The following AKAP11 variants were observed in gnomAD, a reference collection of about 807,000 sequenced individuals.
AKAP11 encodes A-kinase anchoring protein 11, also known as A-kinase anchor protein 11.
Under a neutral mutation model 146.1 loss-of-function variants are expected in AKAP11, and 36 were observed. That is an observed-to-expected ratio of 0.25 (90% CI 0.19 to 0.33). The LOEUF (loss-of-function observed/expected upper bound fraction) is 0.33, where lower values mean the gene tolerates loss of function less well. Among genes scored for constraint, AKAP11 ranks in the 10% least tolerant of loss-of-function variants. The probability of loss-of-function intolerance (pLI) is 1.00; values close to 1 mark genes in which losing one functional copy is unlikely to be tolerated. For missense variants in AKAP11, 2,201 were observed against 2,197.0 expected, an observed-to-expected ratio of 1.00 and a Z score of -0.04; for synonymous variants, 780 against 786.5, an observed-to-expected ratio of 0.99 and a Z score of 0.14.
At chr13:42,312,703 A>G (rs964294558) in intron 9 of AKAP11, among the ~76,000 whole-genome samples, 4 of 152,176 alleles carry the variant, frequency 2.6e-5, no homozygotes, top group African/African-American at 9.7e-5. Flanking sequence ...GGCATTTCAC[A>G]AATTATAGTT....
Position 42,301,424 on chromosome 13 carries a change from C to CT in AKAP11, c.2678_2679insT (p.Leu894IlefsTer8). 1 of 1,613,204 alleles carries CT rather than the reference C, an allele frequency of 6.2e-7. No individual in the cohort carries two copies. Among genetic ancestry groups the CT allele is most frequent in the African/African-American group, 1.3e-5 (1 of 74,940 alleles). On this transcript the variant is annotated frameshift_variant, in exon 8 of 13. Transcript: ENST00000025301. LOFTEE classifies it high-confidence loss of function. ...AATGAAACTTTAGAGTCAATGACATCATTGGAAGTTACAAAAATGGTTGAT... is the reference window on the plus strand; with the variant it reads ...AATGAAACTTTAGAGTCAATGACATCTATTGGAAGTTACAAAAATGGTTGAT...
Position 42,303,690 on chromosome 13 carries a change from A to G in AKAP11, c.4944A>G (p.Ala1648=), listed in dbSNP as rs408007. The change falls in exon 8 of 13, where the codon GCA becomes GCG. Residue 1648 remains alanine (A), a synonymous_variant. Coordinates refer to ENST00000025301, the MANE Select transcript of AKAP11 (RefSeq NM_016248.4). ...TTCATGTTAATCTTGATAAGAAGGC[A>G]GTGCTTGCTGAGAAGATAGTTGCTG... is the stretch of plus-strand genomic sequence containing the variant. The part of the protein sequence containing the change: ...PQIHVNLDKK[A]VLAEKIVAEA... 1.3e-3 allele frequency: 2,082 copies of G among 1,614,176 alleles called. 25 individuals are homozygous for G. In the African/African-American group the frequency reaches 0.024, roughly 19 times the overall value.
Position 42,298,729 on chromosome 13 carries a change from T to G in AKAP11, c.548T>G (p.Ile183Arg). 1 of 1,604,422 alleles carries G rather than the reference T, an allele frequency of 6.2e-7. No homozygotes were observed. Among genetic ancestry groups the G allele is most frequent in the African/African-American group, 1.3e-5 (1 of 74,442 alleles). ...DDDTNQSVSS[I>R]EDDFVTAFEH... ...GATACTAACCAGTCTGTGTCATCCA[T>G]AGAGGATGACTTTGTCACTGCTTTT... Residue 183 changes from isoleucine (I) to arginine (R), a missense_variant, in exon 7 of 13, where the codon ATA becomes AGA. Physicochemically the swap from Ile to Arg is moderately conservative, Grantham distance 97 (BLOSUM62 -3). Coordinates refer to ENST00000025301, the MANE Select transcript of AKAP11 (RefSeq NM_016248.4).
chr13:42,322,907 C>A lies in AKAP11; in HGVS notation c.*3679C>A, dbSNP rs1361508692. ...GGTTTTAATATTGCTGGATTTGCTA[C>A]CTTTGGTTACTTGTGCAGTGTTAAA... On this transcript the variant is annotated 3_prime_UTR_variant, in exon 13 of 13. Coordinates refer to ENST00000025301, the MANE Select transcript of AKAP11 (RefSeq NM_016248.4). 1 of 152,516 alleles carries A rather than the reference C, an allele frequency of 6.6e-6. No homozygotes were observed. Among genetic ancestry groups the A allele is most frequent in the African/African-American group, 2.4e-5 (1 of 41,380 alleles). 9.4% of individuals were successfully genotyped at this position (152,516 alleles called of 1,614,324 possible).
At chr13:42,286,279 G>C (rs1959165505) in intron 2 of AKAP11, 21 bp from the exon 3 acceptor site, 1 of 1,009,856 alleles carries the variant, frequency 9.9e-7, no homozygotes, top group South Asian at 1.7e-5. Context: ...TAAATAAGTT[G>C]TTTTAATATG....
At chr13:42,316,248 A>G (rs1406988930) in intron 11 of AKAP11, among the ~76,000 whole-genome samples, 1 of 152,230 alleles carries the variant, frequency 6.6e-6, no homozygotes, top group African/African-American at 2.4e-5. Context: ...ATGGCCTGCA[A>G]GCTGTAGCAG....
chr13:42,304,755 CTTTT>C (rs200885238), intron 8 of AKAP11, among the ~76,000 whole-genome samples: 1 of 144,722 alleles, frequency 6.9e-6, no homozygotes, highest in Non-Finnish European at 1.5e-5. Context: ...CTCAGTGATT[CTTTT>C]TTTTTTTTTG....
At chr13:42,295,782 A>C (rs755949771) in intron 5 of AKAP11, 40 bp downstream of exon 5, 1 of 1,585,138 alleles carries the variant, frequency 6.3e-7, no homozygotes, top group South Asian at 1.1e-5. Context: ...TATTCTTGTC[A>C]TGGAAATCAG....
rs201525107 is a variant in AKAP11, at chr13:42,303,765, C to A, written c.5019C>A (p.Ala1673=). 3.1e-6 allele frequency: 5 copies of A among 1,614,052 alleles called. No homozygotes were observed. Among genetic ancestry groups the A allele is most frequent in the Middle Eastern group, 1.6e-4 (1 of 6,062 alleles). ...AGCTGAGCAGTACCAGCCTGGCAGCCGACAGTGGGATCGGACAGGAGGGTG... is the reference window on the plus strand; with the variant it reads ...AGCTGAGCAGTACCAGCCTGGCAGCAGACAGTGGGATCGGACAGGAGGGTG... The part of the protein sequence containing the change: ...ERELSSTSLA[A]DSGIGQEGAS... The change falls in exon 8 of 13, where the codon GCC becomes GCA. Residue 1673 remains alanine, a synonymous_variant. Coordinates refer to ENST00000025301, the MANE Select transcript of AKAP11 (RefSeq NM_016248.4).
In AKAP11 at chr13:42,300,382, A is replaced by T. The variant is rs567716472; in HGVS notation, c.1636A>T (p.Ile546Phe). 1 of 1,609,978 alleles carries T rather than the reference A, an allele frequency of 6.2e-7. No homozygotes were observed. The highest frequency in any genetic ancestry group is 8.5e-7 in the Non-Finnish European group (1 of 1,178,864). ...TAAATCTAAAAATAAATCCTTAATG[A>T]TTAAAGATAGCATTCAAAAATTTGC... ...KNKSKNKSLMIKDSIQKFAAD... is the reference protein window; with the variant it reads ...KNKSKNKSLMFKDSIQKFAAD... Residue 546 changes from isoleucine to phenylalanine, a missense_variant, in exon 8 of 13, where the codon ATT (isoleucine) becomes TTT (phenylalanine). Around this residue, in one of 3 missense-constraint regions of AKAP11, gnomAD observed 1,867 missense variants for 1,833.5 expected, o/e 1.02. Coordinates refer to ENST00000025301, the MANE Select transcript of AKAP11 (RefSeq NM_016248.4).
At chr13:42,284,840 G>A (rs1959134865) in intron 1 of AKAP11, among the ~76,000 whole-genome samples, 1 of 152,196 alleles carries the variant, frequency 6.6e-6, no homozygotes, top group Non-Finnish European at 1.5e-5. Context: ...ACCTTGTGCT[G>A]TTGGGAACTC....
intron 9 of AKAP11, among the ~76,000 whole-genome samples, chr13:42,311,031 G>A (rs1960536603): frequency 6.6e-6 from 1 of 152,028 alleles, no homozygotes; most frequent in African/African-American, 2.4e-5. Flanking sequence ...GTCTGTGACT[G>A]TCTTAAATAT....
At position 42,300,154 on chromosome 13, in the gene AKAP11, A is replaced by G; in HGVS notation, c.1408A>G (p.Thr470Ala). 6.2e-7 allele frequency: 1 copy of G among 1,613,956 alleles called. No homozygotes were observed. Among genetic ancestry groups the G allele is most frequent in the Non-Finnish European group, 8.5e-7 (1 of 1,179,860 alleles). Reference sequence around the variant, plus strand: ...TACTCCAGCTGAATGTTTTTGCCAAACAGATATTGGTGGAGATAGGATTCA... The same window carrying G: ...TACTCCAGCTGAATGTTTTTGCCAAGCAGATATTGGTGGAGATAGGATTCA... ...GCTPAECFCQTDIGGDRIHEN... is the reference protein window; with the variant it reads ...GCTPAECFCQADIGGDRIHEN... Residue 470 changes from threonine to alanine, a missense_variant, in exon 8 of 13, where the codon ACA becomes GCA. Physicochemically the swap from Thr to Ala is moderately conservative, Grantham distance 58 (BLOSUM62 0). This residue lies in a region of AKAP11 where 1,867 missense variants were observed against 1,833.5 expected (regional missense o/e 1.02). Coordinates refer to ENST00000025301, the MANE Select transcript of AKAP11 (RefSeq NM_016248.4).
chr13:42,302,849 C>T lies in AKAP11; in HGVS notation c.4103C>T (p.Ala1368Val), dbSNP rs750180761. 1.2e-6 allele frequency: 2 copies of T among 1,613,706 alleles called. No homozygotes were observed. Among genetic ancestry groups the T allele is most frequent in the South Asian group, 2.2e-5 (2 of 91,064 alleles). The part of the protein sequence containing the change: ...GNSELIMDQY[A>V]NRLAYRSVKS... Reference sequence around the variant, plus strand: ...AGTGAGTTGATAATGGATCAGTATGCCAATAGGCTTGCCTACCGATCTGTT... The same window carrying T: ...AGTGAGTTGATAATGGATCAGTATGTCAATAGGCTTGCCTACCGATCTGTT... Residue 1368 changes from alanine (A) to valine (V), a missense_variant, in exon 8 of 13, where the codon GCC becomes GTC. Ala to Val is a moderately conservative substitution (Grantham distance 64). Transcript: ENST00000025301.
chr13:42,301,171 G>A lies in AKAP11; in HGVS notation c.2425G>A (p.Asp809Asn), dbSNP rs1959875133. 1 of 1,614,052 alleles carries A rather than the reference G, an allele frequency of 6.2e-7. No homozygotes were observed. Among genetic ancestry groups the A allele is most frequent in the African/African-American group, 1.3e-5 (1 of 75,024 alleles). The part of the protein sequence containing the change: ...CQAKAHLSSD[D>N]SNSNGDSAQV... ...GGCCAAGGCTCATCTGTCATCTGAT[G>A]ATAGTAATTCAAATGGTGATTCTGC... Residue 809 changes from aspartate to asparagine, a missense_variant, in exon 8 of 13, where the codon GAT (aspartate) becomes AAT (asparagine). Coordinates refer to ENST00000025301, the MANE Select transcript of AKAP11 (RefSeq NM_016248.4).
chr13:42,307,181 A>G (rs976878054), intron 8 of AKAP11, among the ~76,000 whole-genome samples: 1 of 152,194 alleles, frequency 6.6e-6, no homozygotes, highest in Non-Finnish European at 1.5e-5. Flanking sequence ...GTTCAGAACT[A>G]TAATGTGCCT....
rs536539482 is a variant in AKAP11, at chr13:42,300,188, A to C, written c.1442A>C (p.His481Pro). Residue 481 changes from histidine (H) to proline (P), a missense_variant, in exon 8 of 13, where the codon CAT (histidine) becomes CCT (proline). Physicochemically the swap from His to Pro is moderately conservative, Grantham distance 77 (BLOSUM62 -2). Around this residue, in one of 3 missense-constraint regions of AKAP11, gnomAD observed 1,867 missense variants for 1,833.5 expected, o/e 1.02. Coordinates refer to ENST00000025301, the MANE Select transcript of AKAP11 (RefSeq NM_016248.4). ...GGTGGAGATAGGATTCATGAAAATC[A>C]TGATTCTGTTTATTACACCTATGAA... ...DIGGDRIHEN[H>P]DSVYYTYEDY... 3.1e-6 allele frequency: 5 copies of C among 1,613,966 alleles called. No homozygotes were observed. In the East Asian group the frequency reaches 8.9e-5, roughly 29 times the overall value.
intron 4 of AKAP11, among the ~76,000 whole-genome samples, chr13:42,292,725 T>G (rs1959267912): frequency 1.3e-5 from 2 of 152,178 alleles, no homozygotes; most frequent in South Asian, 4.1e-4. Context: ...CTCAAACAAA[T>G]GAGCACATTT....
intron 3 of AKAP11, among the ~76,000 whole-genome samples, chr13:42,287,637 A>G (rs959766825): frequency 2.0e-5 from 3 of 152,176 alleles, no homozygotes; most frequent in African/African-American, 4.8e-5. Flanking sequence ...TTACCTTTAA[A>G]TTTAATAGGT....
Sources: gnomAD v4.1 joint callset for allele counts (sites outside exome capture counted in the v4.1 genomes callset) on GRCh38, gnomAD v4.1.1 for gene constraint, gnomAD v4.1.1 regional missense constraint, MANE v1.5 for transcripts, NCBI Gene and HGNC (gene_info 2026-07-23, HGNC 2026-07-21) for gene names.